PBRM1: variants seen among roughly 807,000 people sequenced by gnomAD.
PBRM1 encodes the protein polybromo 1, also known as protein polybromo-1.
Under a neutral mutation model 194.5 loss-of-function variants are expected in PBRM1, and 27 were observed. The observed-to-expected ratio is 0.14, with a 90% confidence interval of 0.10 to 0.19. The LOEUF is 0.19. Ranked by LOEUF, PBRM1 falls within the 10% of genes least tolerant of loss-of-function variation. The pLI is 1.00. For missense variants in PBRM1, 1,466 were observed against 2,077.2 expected, an observed-to-expected ratio of 0.71 and a Z score of 5.72; for synonymous variants, 655 against 693.2, an observed-to-expected ratio of 0.94 and a Z score of 0.87.
At chr3:52,562,809 G>A (rs749599149) in intron 24 of PBRM1, among the ~76,000 whole-genome samples, 5 of 152,014 alleles carry the variant, frequency 3.3e-5, no homozygotes, top group Non-Finnish European at 7.4e-5. Flanking sequence ...CCAAAGTGCT[G>A]GGATTACAGA....
chr3:52,650,384 C>CCAA (rs1483044017), intron 6 of PBRM1, among the ~76,000 whole-genome samples: 2 of 115,728 alleles, frequency 1.7e-5, no homozygotes, highest in Non-Finnish European at 3.9e-5. Flanking sequence ...AAAAAAAACC[C>CCAA]TAAAAAAAAA....
chr3:52,652,417 G>C (rs910816715), intron 5 of PBRM1, among the ~76,000 whole-genome samples: 4 of 151,598 alleles, frequency 2.6e-5, no homozygotes, highest in Admixed American at 2.6e-4. Context: ...GGCAGGGCAC[G>C]GTGGCTCACA....
intron 13 of PBRM1, 122 bp from the exon 15 acceptor site, chr3:52,625,063 T>C (rs13086936): frequency 0.068 from 48,487 of 711,066 alleles, 1,963 homozygotes; most frequent in Non-Finnish European, 0.085. Flanking sequence ...CCAAAGACAA[T>C]ATTTGAAACA....
chr3:52,554,611 G>C, intron 27 of PBRM1, 113 bp downstream of exon 29: 2 of 838,652 alleles, frequency 2.4e-6, no homozygotes, highest in Non-Finnish European at 3.6e-6. Flanking sequence ...GATTCTCAGG[G>C]AGGGAAGGCC....
At chr3:52,683,022 A>C (rs2097235177), upstream of PBRM1, among the ~76,000 whole-genome samples, 1 of 152,090 alleles carries the variant, frequency 6.6e-6, no homozygotes, top group African/African-American at 2.4e-5. Flanking sequence ...TAACACGGTG[A>C]AACCCCGTCT....
chr3:52,635,231 T>G (rs1048276868), intron 10 of PBRM1, among the ~76,000 whole-genome samples: 1 of 152,038 alleles, frequency 6.6e-6, no homozygotes, highest in Admixed American at 6.6e-5. Context: ...CTGGCCCTTT[T>G]TTAAAAAAAT....
chr3:52,557,764 C>T (rs2082518396), intron 26 of PBRM1, among the ~76,000 whole-genome samples: 1 of 152,034 alleles, frequency 6.6e-6, no homozygotes, highest in African/African-American at 2.4e-5. Context: ...CATTGGTGAC[C>T]AAGAAAGGAT....
At chr3:52,625,831 G>A (rs2095429776) in intron 13 of PBRM1, among the ~76,000 whole-genome samples, 1 of 152,062 alleles carries the variant, frequency 6.6e-6, no homozygotes, top group East Asian at 1.9e-4. Flanking sequence ...ACCTGGCTCG[G>A]CCTCCCAAAA....
At chr3:52,629,427 A>G (rs1486510809) in intron 11 of PBRM1, among the ~76,000 whole-genome samples, 1 of 152,206 alleles carries the variant, frequency 6.6e-6, no homozygotes, top group African/African-American at 2.4e-5. Flanking sequence ...CTCAATGAAC[A>G]ATCATGGTGA....
At chr3:52,665,902 G>A (rs1300813497) in intron 3 of PBRM1, among the ~76,000 whole-genome samples, 2 of 152,128 alleles carry the variant, frequency 1.3e-5, no homozygotes, top group African/African-American at 4.8e-5. Context: ...GATCAGAGTT[G>A]AATTATTCTA....
At chr3:52,555,846 TG>T (rs1274909007) in intron 26 of PBRM1, among the ~76,000 whole-genome samples, 1 of 152,208 alleles carries the variant, frequency 6.6e-6, no homozygotes. Flanking sequence ...AAGGAATAAA[TG>T]TAAGAAAAAA....
chr3:52,579,314 G>A, intron 20 of PBRM1, 115 bp from the exon 23 acceptor site: 1 of 945,268 alleles, frequency 1.1e-6, no homozygotes, highest in Non-Finnish European at 1.6e-6. Flanking sequence ...ACCACCATTG[G>A]TTACGTGGCT....
intron 7 of PBRM1, among the ~76,000 whole-genome samples, chr3:52,645,619 T>C (rs770812882): frequency 1.3e-5 from 2 of 152,114 alleles, no homozygotes; most frequent in Non-Finnish European, 2.9e-5. Context: ...TTTGGGGCCA[T>C]TATTAAGTAA....
chr3:52,674,128 A>G (rs1311954185), intron 2 of PBRM1, among the ~76,000 whole-genome samples: 2 of 151,872 alleles, frequency 1.3e-5, no homozygotes, highest in Admixed American at 6.6e-5. Flanking sequence ...AATTTTAAAA[A>G]TTAAACAGTT....
rs1170728360 is a variant in PBRM1 at position 52,583,125 on chromosome 3, TA to T, written c.3387+3299del. Among the ~76,000 whole-genome samples the T allele has an allele frequency of 7.6e-3, 713 of 94,302 alleles. 8 individuals are homozygous for T. Among genetic ancestry groups the T allele is most frequent in the African/African-American group, 0.029 (680 of 23,686 alleles). The allele number at this position is 94,302 out of a possible 152,430, so 61.9% of individuals were successfully genotyped here. The stretch of plus-strand genomic sequence containing the variant: ...AAAAAAAAAAAAAAAAAAAAACTAA[TA>T]GGGGCGGGGGCGGTGGCTCACACCT... On this transcript the variant is annotated intron_variant, in intron 20 of 29. Coordinates refer to ENST00000296302, the Ensembl canonical transcript of PBRM1.
At chr3:52,662,018 C>A in intron 4 of PBRM1, 115 bp downstream of exon 5, 1 of 1,016,192 alleles carries the variant, frequency 9.8e-7, no homozygotes, top group South Asian at 1.6e-5. Context: ...TCCCAGTTAC[C>A]AATACAATTG....
upstream of PBRM1, among the ~76,000 whole-genome samples, chr3:52,680,595 T>C (rs1012105979): frequency 6.6e-6 from 1 of 152,256 alleles, no homozygotes; most frequent in East Asian, 1.9e-4. Context: ...GCAATGCTTA[T>C]ATTGCAATAC....
intron 5 of PBRM1, among the ~76,000 whole-genome samples, chr3:52,656,310 AC>A (rs1317724544): frequency 1.3e-5 from 2 of 152,110 alleles, no homozygotes; most frequent in African/African-American, 2.4e-5. Context: ...AGGAGGAAGA[AC>A]TCATTTATCT....
At chr3:52,579,692 C>T (rs1368721816) in intron 20 of PBRM1, among the ~76,000 whole-genome samples, 18 of 152,092 alleles carry the variant, frequency 1.2e-4, no homozygotes, top group Non-Finnish European at 2.4e-4. Flanking sequence ...TTGAAATAAA[C>T]GAAGACTTAT....
Sources: gnomAD v4.1 joint callset for allele counts (sites outside exome capture counted in the v4.1 genomes callset) on GRCh38, gnomAD v4.1.1 for gene constraint, MANE v1.5 for transcripts, NCBI Gene and HGNC (gene_info 2026-07-23, HGNC 2026-07-21) for gene names.